Variants in PTPN23 observed in about 807,000 individuals in gnomAD.
PTPN23 encodes protein tyrosine phosphatase non-receptor type 23.
PTPN23 carries 72 observed loss-of-function variants against 156.3 expected under a neutral mutation model. The ratio of observed to expected loss-of-function variants is 0.46; its 90% confidence interval spans 0.38 to 0.56. The LOEUF (loss-of-function observed/expected upper bound fraction) is 0.56, where lower values mean the gene tolerates loss of function less well. Among genes scored for constraint, PTPN23 ranks in the 20% least tolerant of loss-of-function variants. PTPN23 has a pLI of 0.00. For missense variants in PTPN23, 1,974 were observed against 2,171.5 expected (o/e 0.91, Z 1.81); for synonymous variants, 957 against 899.6 (o/e 1.06, Z -1.14).
chr3:47,396,696 G>A (rs893938768), intron 2 of PTPN23, among the ~76,000 whole-genome samples: 1 of 152,182 alleles, frequency 6.6e-6, no homozygotes, highest in East Asian at 1.9e-4. Context: ...AGGAGGATTG[G>A]TTCCTCCTGG....
At chr3:47,398,236 T>C (rs1271057428) in intron 2 of PTPN23, among the ~76,000 whole-genome samples, 1 of 151,894 alleles carries the variant, frequency 6.6e-6, no homozygotes, top group African/African-American at 2.4e-5. Flanking sequence ...GAGGTGGAGG[T>C]TGCAGTGAGC....
chr3:47,401,524 T>C (rs1704993969), intron 2 of PTPN23, among the ~76,000 whole-genome samples: 1 of 152,198 alleles, frequency 6.6e-6, no homozygotes, highest in Non-Finnish European at 1.5e-5. Flanking sequence ...TTCAATACTT[T>C]TATATGTGCT....
intron 1 of PTPN23, among the ~76,000 whole-genome samples, chr3:47,382,995 T>C (rs191420628): frequency 1.1e-4 from 17 of 152,274 alleles, no homozygotes; most frequent in Admixed American, 1.1e-3. Flanking sequence ...CCAAAACTCC[T>C]GTTTTCTGTT....
chr3:47,399,046 C>T (rs185544035), intron 2 of PTPN23, among the ~76,000 whole-genome samples: 1 of 152,280 alleles, frequency 6.6e-6, no homozygotes, highest in East Asian at 1.9e-4. Flanking sequence ...CCTTTAGATC[C>T]CTTGGAAGTT....
chr3:47,404,892 T>C (rs1705086145), intron 3 of PTPN23, 113 bp downstream of exon 3: 2 of 1,579,946 alleles, frequency 1.3e-6, no homozygotes, highest in Non-Finnish European at 8.6e-7. Context: ...TGGCCTCATA[T>C]GGTCCCCCCA....
At chr3:47,389,526 G>A (rs958498510) in intron 1 of PTPN23, among the ~76,000 whole-genome samples, 3 of 152,118 alleles carry the variant, frequency 2.0e-5, no homozygotes, top group Non-Finnish European at 2.9e-5. Context: ...AGGCCAAGGC[G>A]GGTGGATCAC....
chr3:47,384,123 TC>T (rs963470635), intron 1 of PTPN23, among the ~76,000 whole-genome samples: 5 of 151,764 alleles, frequency 3.3e-5, no homozygotes, highest in African/African-American at 9.7e-5. Flanking sequence ...TTTTTTTTTT[TC>T]AAGGAATTCA....
chr3:47,410,217 GC>G lies in PTPN23; in HGVS notation c.2423del (p.Pro808GlnfsTer8). ...SGPTQLIQPRAPGPHAMPVAP... is the reference protein window; with the variant it reads ...SGPTQLIQPRXPGPHAMPVAP... ...CCCCACCCAGCTGATACAGCCCAGG[GC>G]CCCAGGGCCCCATGCAATGCCCGTA... On this transcript the variant is annotated frameshift_variant, in exon 20 of 25. Transcript: ENST00000265562. LOFTEE classifies it high-confidence loss of function. 6.2e-7 allele frequency: 1 copy of G among 1,610,824 alleles called. No homozygotes were observed. Among genetic ancestry groups the G allele is most frequent in the Non-Finnish European group, 8.5e-7 (1 of 1,178,484 alleles).
Position 47,410,291 on chromosome 3 carries a change from G to A in PTPN23, c.2493G>A (p.Leu831=), listed in dbSNP as rs761632415. 3.7e-6 allele frequency: 6 copies of A among 1,605,900 alleles called. No individual in the cohort carries two copies. Among genetic ancestry groups the A allele is most frequent in the Admixed American group, 3.4e-5 (2 of 59,330 alleles). The change falls in exon 20 of 25, where the codon CTG becomes CTA. Residue 831 remains leucine, a synonymous_variant. Coordinates refer to ENST00000265562, the MANE Select transcript of PTPN23 (RefSeq NM_015466.4). The part of the protein sequence containing the change: ...LYPAPAYTPE[L]GLVPRSSPQH... ...CAGCCCCTGCCTACACACCGGAGCT[G>A]GGCCTTGTGCCCCGATCCTCCCCAC...
chr3:47,392,493 C>T (rs1476800694), intron 1 of PTPN23, among the ~76,000 whole-genome samples: 1 of 152,068 alleles, frequency 6.6e-6, no homozygotes, highest in Non-Finnish European at 1.5e-5. Flanking sequence ...AACCCAAGGC[C>T]ACTTTTTGTA....
chr3:47,387,991 G>A (rs768342112), intron 1 of PTPN23, among the ~76,000 whole-genome samples: 5 of 152,146 alleles, frequency 3.3e-5, no homozygotes, highest in Non-Finnish European at 4.4e-5. Flanking sequence ...ACTGTTTGGT[G>A]CTCAGTAAAA....
At position 47,387,403 on chromosome 3, in the gene PTPN23, C is replaced by CAA. The variant is rs34969941; in HGVS notation, c.84+6241_84+6242dup. On this transcript the variant is annotated intron_variant, in intron 1 of 24. Coordinates refer to ENST00000265562, the MANE Select transcript of PTPN23 (RefSeq NM_015466.4). ...GCAACAAAGCAAGACCCTGTCTCTA[C>CAA]AAAAAAAAAAAAAAAAAAAGAAAGG... Among the ~76,000 whole-genome samples, 1,027 of 107,720 alleles carry CAA rather than the reference C, an allele frequency of 9.5e-3. 17 individuals carry two copies. The highest frequency in any genetic ancestry group is 0.015 in the African/African-American group (402 of 26,682). 70.7% of individuals were successfully genotyped at this position (107,720 alleles called of 152,430 possible). A position where few individuals can be genotyped will look rare whatever the true frequency, so the allele number is the denominator to read the frequency against.
chr3:47,392,253 A>G lies in PTPN23; in HGVS notation c.85-3890A>G, dbSNP rs541343885. Among the ~76,000 whole-genome samples, 3 of 152,276 alleles carry G rather than the reference A, an allele frequency of 2.0e-5. No individual in the cohort carries two copies. In the East Asian group the frequency reaches 5.8e-4, roughly 29 times the overall value. ...CCAGCTGAAGTAAGGTGGTGCCATCATAGCTCACTGCAGCTTCAAACTCCT... is the reference window on the plus strand; with the variant it reads ...CCAGCTGAAGTAAGGTGGTGCCATCGTAGCTCACTGCAGCTTCAAACTCCT... On this transcript the variant is annotated intron_variant, in intron 1 of 24. Coordinates refer to ENST00000265562, the MANE Select transcript of PTPN23 (RefSeq NM_015466.4).
At chr3:47,402,958 G>A (rs1705027897) in intron 2 of PTPN23, among the ~76,000 whole-genome samples, 1 of 151,326 alleles carries the variant, frequency 6.6e-6, no homozygotes, top group Admixed American at 6.6e-5. Flanking sequence ...CATCCGCCTT[G>A]GCCTCCCAAA....
rs967019337 is a variant in PTPN23 at position 47,406,475 on chromosome 3, T to C, written c.628-6T>C. The C allele has an allele frequency of 1.4e-5, 22 of 1,613,798 alleles. No individual in the cohort carries two copies. The highest frequency in any genetic ancestry group is 4.0e-5 in the African/African-American group (3 of 74,888). ...CCCCACTCATTGGGCCCCACCCTGT[T>C]CTCAGGTGGTAGATTACTACAAGGA... is the stretch of plus-strand genomic sequence containing the variant. On this transcript the variant is annotated splice_region_variant and splice_polypyrimidine_tract_variant and intron_variant, in intron 7 of 24. Transcript: ENST00000265562. The surrounding 1 kb of genome is among the most constrained non-coding windows in gnomAD (Gnocchi z 5.8).
At chr3:47,392,947 C>G (rs1704804811) in intron 1 of PTPN23, among the ~76,000 whole-genome samples, 1 of 152,138 alleles carries the variant, frequency 6.6e-6, no homozygotes, top group Non-Finnish European at 1.5e-5. Flanking sequence ...GATCCTCCTG[C>G]CTCAGCCTCT....
In PTPN23 at chr3:47,412,519, C is replaced by T; in HGVS notation, c.4323C>T (p.His1441=). 1 of 1,613,252 alleles carries T rather than the reference C, an allele frequency of 6.2e-7. No individual in the cohort carries two copies. Among genetic ancestry groups the T allele is most frequent in the Admixed American group, 1.7e-5 (1 of 60,012 alleles). The change falls in exon 24 of 25, where the codon CAC becomes CAT. Residue 1441 remains histidine (H), a synonymous_variant. Coordinates refer to ENST00000265562, the MANE Select transcript of PTPN23 (RefSeq NM_015466.4). The stretch of plus-strand genomic sequence containing the variant: ...GGCCAAATGCACCTGTGCAGCTGCA[C>T]CTCAGGTTCTGCTATGAGGCAGTGG... ...QRKHMLQEKL[H]LRFCYEAVVR... is the part of the protein sequence containing the mutation.
Position 47,407,056 on chromosome 3 carries a change from G to T in PTPN23, c.808-74G>T. The T allele has an allele frequency of 6.3e-7, 1 of 1,589,496 alleles. No homozygotes were observed. The highest frequency in any genetic ancestry group is 1.3e-5 in the African/African-American group (1 of 74,550). On this transcript the variant is annotated intron_variant, in intron 9 of 24. Transcript: ENST00000265562. The surrounding 1 kb of genome is among the most constrained non-coding windows in gnomAD (Gnocchi z 4.0). ...GCTTGTCATCTGATGGACAGGCAGG[G>T]CCGGGTGGGAGGCAGGAGGAGAAAG...
chr3:47,404,841 C>T (rs138935440), intron 3 of PTPN23, 62 bp downstream of exon 3: 27,155 of 1,586,502 alleles, frequency 0.017, 286 homozygotes, highest in Non-Finnish European at 0.019. Context: ...GGGTGCTCCT[C>T]CCCTCCCTTC....
Sources: gnomAD v4.1 joint callset for allele counts (sites outside exome capture counted in the v4.1 genomes callset) on GRCh38, gnomAD v4.1.1 for gene constraint, Gnocchi (gnomAD v3.1) non-coding constraint, MANE v1.5 for transcripts, NCBI Gene and HGNC (gene_info 2026-07-23, HGNC 2026-07-21) for gene names.